ANK1: variants seen among roughly 807,000 people sequenced by gnomAD.
The protein encoded by ANK1 is ankyrin-1.
Under a neutral mutation model 210.4 loss-of-function variants are expected in ANK1, and 51 were observed. The ratio of observed to expected loss-of-function variants is 0.24; its 90% CI spans 0.19 to 0.31. The LOEUF is 0.31. ANK1 is among the 10% of genes least tolerant of loss of function. ANK1 has a pLI of 1.00. For synonymous variants in ANK1, 967 were observed against 1,025.9 expected (o/e 0.94, Z 1.10); for missense variants, 2,051 against 2,504.4 (o/e 0.82, Z 3.86).
At chr8:41,821,979 G>A (rs1383103561) in intron 1 of ANK1, among the ~76,000 whole-genome samples, 3 of 151,928 alleles carry the variant, frequency 2.0e-5, no homozygotes. Context: ...GAACCCAGGA[G>A]GCAGAGGTTG....
Position 41,778,546 on chromosome 8 carries a change from C to T in ANK1, c.27+18966G>A, listed in dbSNP as rs189617252. 3.6e-3 allele frequency among the ~76,000 whole-genome samples: 550 copies of T among 152,362 alleles called. 4 individuals are homozygous for T. The highest frequency in any genetic ancestry group is 0.012 in the African/African-American group (515 of 41,584). ...GATTATAAAAGATAATCAGAGAACA[C>T]AGGCTTCCTGACCTCCTGGAGAGAA... On this transcript the variant is annotated intron_variant, in intron 1 of 42. Transcript: ENST00000289734.
At chr8:41,732,511 C>T (rs951770281) in intron 3 of ANK1, among the ~76,000 whole-genome samples, 11 of 151,830 alleles carry the variant, frequency 7.2e-5, no homozygotes, top group African/African-American at 2.7e-4. Flanking sequence ...CTCCTGGGTT[C>T]AAGCGATTCT....
intron 37 of ANK1, among the ~76,000 whole-genome samples, chr8:41,678,384 C>T (rs374608273): frequency 5.3e-4 from 81 of 152,236 alleles, no homozygotes; most frequent in Admixed American, 7.2e-4. Context: ...TCAAGTGATC[C>T]GCCCACCTGG....
rs1219521849 is a variant in ANK1 at position 41,688,175 on chromosome 8, G to A, written c.4239C>T (p.His1413=). 1 of 1,614,226 alleles carries A rather than the reference G, an allele frequency of 6.2e-7. No homozygotes were observed. The highest frequency in any genetic ancestry group is 8.5e-7 in the Non-Finnish European group (1 of 1,180,040). Residue 1413 remains histidine, a synonymous_variant, in exon 35 of 43, where the codon CAC becomes CAT. Transcript: ENST00000289734. ...ACTCACCTGCCCAGCTGAGACCGAG[G>A]TGCTCTGAGATAACAGCCATCTTCA... ...AEMKMAVISE[H]LGLSWAELAR... is the part of the protein sequence containing the mutation.
intron 37 of ANK1, among the ~76,000 whole-genome samples, chr8:41,683,034 G>A (rs529611807): frequency 3.3e-5 from 5 of 152,044 alleles, no homozygotes; most frequent in East Asian, 1.9e-4. Flanking sequence ...CAACACCCAC[G>A]GACACACACA....
intron 10 of ANK1, among the ~76,000 whole-genome samples, chr8:41,718,873 A>T (rs1412982829): frequency 3.9e-5 from 6 of 152,200 alleles, no homozygotes; most frequent in South Asian, 2.1e-4. Context: ...AACACACAAG[A>T]CCACAAATAT....
intron 1 of ANK1, among the ~76,000 whole-genome samples, chr8:41,822,125 AAAGAAAGAGAAAGAAAG>A (rs1563845502): frequency 0.23 from 13,795 of 59,746 alleles, 920 homozygotes; most frequent in South Asian, 0.29. Flanking sequence ...AAAGAAAGAG[AAAGAAAGAGAAAGAAAG>A]AAAGAAAGAA....
Position 41,839,363 on chromosome 8 carries a change from G to A in ANK1, c.126+56992C>T, listed in dbSNP as rs78175966. On this transcript the variant is annotated intron_variant, in intron 1 of 42. Transcript: ENST00000265709. ...CACTTAGCCAGGTTCCCTGGCTGTT[G>A]GTGGCAGATCTGGGATATAAACCCA... Among the ~76,000 whole-genome samples, 679 of 152,340 alleles carry A rather than the reference G, an allele frequency of 4.5e-3. 3 individuals carry two copies. The highest frequency in any genetic ancestry group is 0.028 in the East Asian group (145 of 5,184).
At position 41,858,501 on chromosome 8, in the gene ANK1, G is replaced by A. The variant is rs148329162; in HGVS notation, c.126+37854C>T. Among the ~76,000 whole-genome samples the A allele has an allele frequency of 4.8e-4, 73 of 152,340 alleles. 1 individual carries two copies. In the East Asian group the frequency reaches 0.013, roughly 27 times the overall value. On this transcript the variant is annotated intron_variant, in intron 1 of 42. Transcript: ENST00000265709. ...TGTACCCCAAGCTGGGTGTCCACTG[G>A]AGAAATGAACAGAAACACAGAAGAC...
chr8:41,676,734 T>C (rs1003734781), intron 37 of ANK1, among the ~76,000 whole-genome samples: 7 of 152,206 alleles, frequency 4.6e-5, no homozygotes, highest in Admixed American at 6.5e-5. Context: ...CTATGACCCA[T>C]TTAGAGTTGA....
In ANK1 at chr8:41,881,184, T is replaced by A. The variant is rs1817518252; in HGVS notation, c.126+15171A>T. Among the ~76,000 whole-genome samples the A allele has an allele frequency of 2.0e-5, 3 of 152,324 alleles. No homozygotes were observed. In the South Asian group the frequency reaches 6.2e-4, roughly 32 times the overall value. On this transcript the variant is annotated intron_variant, in intron 1 of 42. Coordinates refer to the ANK1 transcript ENST00000265709. Reference sequence around the variant, plus strand: ...ACAAGGTCCCTTCCAAGAGGCTGTGTCTTCTAGTCTAGTCCAGACTAGAAG... The same window carrying A: ...ACAAGGTCCCTTCCAAGAGGCTGTGACTTCTAGTCTAGTCCAGACTAGAAG...
intron 1 of ANK1, among the ~76,000 whole-genome samples, chr8:41,769,977 CTTTTTTT>C (rs59542968): frequency 8.1e-5 from 7 of 86,642 alleles, no homozygotes; most frequent in South Asian, 4.3e-4. Context: ...TTTCTTTTTT[CTTTTTTT>C]TTTTTTTTTT....
chr8:41,699,827 A>G (rs778829088), intron 22 of ANK1, among the ~76,000 whole-genome samples: 25 of 152,224 alleles, frequency 1.6e-4, no homozygotes, highest in Non-Finnish European at 2.9e-4. Flanking sequence ...CTTAGTTCCA[A>G]TTCAAAACAG....
intron 1 of ANK1, among the ~76,000 whole-genome samples, chr8:41,817,203 G>T (rs1803490981): frequency 6.6e-6 from 1 of 151,974 alleles, no homozygotes; most frequent in Non-Finnish European, 1.5e-5. Flanking sequence ...CATCTCAAAA[G>T]CACAGAGAAA....
intron 37 of ANK1, among the ~76,000 whole-genome samples, chr8:41,676,907 T>C (rs995059483): frequency 1.3e-5 from 2 of 152,244 alleles, no homozygotes; most frequent in Non-Finnish European, 2.9e-5. Context: ...TTTCTCATTT[T>C]CAATTTTCTA....
At chr8:41,769,292 G>A (rs569226671) in intron 1 of ANK1, among the ~76,000 whole-genome samples, 2 of 152,356 alleles carry the variant, frequency 1.3e-5, no homozygotes, top group Non-Finnish European at 1.5e-5. Flanking sequence ...AAGTCACACA[G>A]CCCCTTCCCT....
At chr8:41,862,967 G>A (rs1455334317) in intron 1 of ANK1, among the ~76,000 whole-genome samples, 3 of 152,056 alleles carry the variant, frequency 2.0e-5, no homozygotes, top group South Asian at 2.1e-4. Context: ...AGCCATGATC[G>A]CACCACTGCA....
At chr8:41,760,973 C>G (rs1440182328) in intron 1 of ANK1, among the ~76,000 whole-genome samples, 2 of 135,560 alleles carry the variant, frequency 1.5e-5, no homozygotes, top group Non-Finnish European at 3.5e-5. Context: ...ATCCCTGGAA[C>G]CTGTGAAGGT....
chr8:41,803,206 T>C (rs990301163), intron 1 of ANK1: 10 of 151,580 alleles, frequency 6.6e-5, no homozygotes, highest in Non-Finnish European at 1.5e-5. Flanking sequence ...AAAAAAAGCA[T>C]CAAAGCTTCT....
Sources: allele counts gnomAD v4.1 joint callset (sites outside exome capture counted in the v4.1 genomes callset), GRCh38; gene constraint gnomAD v4.1.1; transcripts MANE v1.5; gene names NCBI Gene and HGNC (gene_info 2026-07-23, HGNC 2026-07-21).